SLC9A9: variants seen among roughly 807,000 people sequenced by gnomAD.
The protein encoded by SLC9A9 is sodium/hydrogen exchanger 9.
Under a neutral mutation model 77.8 loss-of-function variants are expected in SLC9A9, and 62 were observed. That is an observed-to-expected ratio of 0.80 (90% confidence interval 0.65 to 0.98). SLC9A9 has a LOEUF of 0.98. SLC9A9 is among the 50% of genes least tolerant of loss of function. The pLI, the probability that SLC9A9 is intolerant of heterozygous loss-of-function variation, is 0.00. For synonymous variants in SLC9A9, 320 were observed against 283.5 expected (o/e 1.13, Z -1.29); for missense variants, 775 against 774.9 (o/e 1.00, Z 0.00).
chr3:143,688,400 G>T (rs1024025565), intron 5 of SLC9A9, among the ~76,000 whole-genome samples: 6 of 152,118 alleles, frequency 3.9e-5, no homozygotes, highest in African/African-American at 1.4e-4. Context: ...AACAAACTCA[G>T]CCTTCAGTGT....
At chr3:143,782,418 C>T (rs2007910960) in intron 4 of SLC9A9, among the ~76,000 whole-genome samples, 1 of 152,188 alleles carries the variant, frequency 6.6e-6, no homozygotes. Flanking sequence ...CCTGGTGCCA[C>T]TGATGCTGTT....
At chr3:143,342,731 A>T (rs977074323) in intron 14 of SLC9A9, among the ~76,000 whole-genome samples, 1 of 152,252 alleles carries the variant, frequency 6.6e-6, no homozygotes, top group Non-Finnish European at 1.5e-5. Context: ...CAAAAGACTG[A>T]GAAAACTGAA....
Position 143,816,933 on chromosome 3 carries a change from G to T in SLC9A9, c.378+15086C>A, listed in dbSNP as rs2009033055. ...ATACACTCCTCATTTATTGGCCTTT[G>T]TGGTATCTCTTTAGTGAATTTTCTG... On this transcript the variant is annotated intron_variant, in intron 2 of 15. Coordinates refer to ENST00000316549, the MANE Select transcript of SLC9A9 (RefSeq NM_173653.4). Among the ~76,000 whole-genome samples the T allele has an allele frequency of 2.0e-5, 3 of 152,000 alleles. No homozygotes were observed. In the South Asian group the frequency reaches 6.2e-4, roughly 32 times the overall value.
intron 12 of SLC9A9, among the ~76,000 whole-genome samples, chr3:143,427,474 A>T (rs1285017543): frequency 4.6e-5 from 7 of 152,238 alleles, no homozygotes; most frequent in Admixed American, 3.3e-4. Flanking sequence ...CAAGTAATCT[A>T]CTTCTTACTT....
chr3:143,437,664 A>G (rs993135071), intron 12 of SLC9A9, among the ~76,000 whole-genome samples: 5 of 152,228 alleles, frequency 3.3e-5, no homozygotes, highest in Non-Finnish European at 7.3e-5. Flanking sequence ...GATGGGAGAC[A>G]TGTTATGATC....
intron 14 of SLC9A9, among the ~76,000 whole-genome samples, chr3:143,285,986 A>G (rs1424470819): frequency 6.6e-6 from 1 of 152,116 alleles, no homozygotes; most frequent in East Asian, 1.9e-4. Context: ...TTGAGGAAGT[A>G]TGGGATGTGG....
intron 2 of SLC9A9, among the ~76,000 whole-genome samples, chr3:143,809,017 C>T (rs1218984010): frequency 6.6e-6 from 1 of 152,116 alleles, no homozygotes; most frequent in Non-Finnish European, 1.5e-5. Context: ...TAAGTTTGTT[C>T]CCTTTCTAAG....
rs548650782 is a variant in SLC9A9 at position 143,649,949 on chromosome 3, G to C, written c.755+2306C>G. ...GACACACTTCAAGTACATAGAGTCT[G>C]CTTTCAAAAAGTTGCTATCTAGAAA... On this transcript the variant is annotated intron_variant, in intron 6 of 15. Transcript: ENST00000316549. Among the ~76,000 whole-genome samples, 22 of 151,590 alleles carry C rather than the reference G, an allele frequency of 1.5e-4. 1 individual carries two copies. In the South Asian group the frequency reaches 3.3e-3, roughly 23 times the overall value.
chr3:143,279,138 C>A (rs1293283853), intron 14 of SLC9A9, among the ~76,000 whole-genome samples: 1 of 143,452 alleles, frequency 7.0e-6, no homozygotes, highest in Non-Finnish European at 1.5e-5. Context: ...CTTCCACATG[C>A]CCTGCAGTGT....
chr3:143,348,487 G>T (rs1229639671), intron 14 of SLC9A9, among the ~76,000 whole-genome samples: 2 of 152,130 alleles, frequency 1.3e-5, no homozygotes, highest in African/African-American at 4.8e-5. Flanking sequence ...GAATTTGTAA[G>T]GATAAAAACC....
At chr3:143,282,131 T>A (rs1434732265) in intron 14 of SLC9A9, among the ~76,000 whole-genome samples, 1 of 152,134 alleles carries the variant, frequency 6.6e-6, no homozygotes, top group Admixed American at 6.6e-5. Context: ...CTCTTAGGAC[T>A]TGTCACTCTC....
intron 14 of SLC9A9, among the ~76,000 whole-genome samples, chr3:143,308,708 T>C (rs977262278): frequency 2.6e-5 from 4 of 152,092 alleles, no homozygotes; most frequent in Non-Finnish European, 5.9e-5. Context: ...GTGATAATAA[T>C]ACCCATAATT....
At chr3:143,518,984 T>C (rs546054389) in intron 9 of SLC9A9, among the ~76,000 whole-genome samples, 76 of 152,342 alleles carry the variant, frequency 5.0e-4, no homozygotes, top group African/African-American at 1.7e-3. Context: ...TCCACATCCT[T>C]GCCCAAACTT....
At chr3:143,335,618 T>C (rs1576432108) in intron 14 of SLC9A9, among the ~76,000 whole-genome samples, 1 of 152,144 alleles carries the variant, frequency 6.6e-6, no homozygotes, top group East Asian at 1.9e-4. Context: ...TAAGCTCTTG[T>C]ATGAGCAAAT....
At position 143,304,014 on chromosome 3, in the gene SLC9A9, T is replaced by C. The variant is rs73008226; in HGVS notation, c.1605-35034A>G. On this transcript the variant is annotated intron_variant, in intron 14 of 15. Transcript: ENST00000316549. ...CTGGCACAGATTTCCAGAAAACATA[T>C]ATATACTGAATGGGGGAAAGAGGAT... Among the ~76,000 whole-genome samples, 1,050 of 152,194 alleles carry C rather than the reference T, an allele frequency of 6.9e-3. 19 individuals carry two copies. Among genetic ancestry groups the C allele is most frequent in the African/African-American group, 0.024 (1,015 of 41,522 alleles).
At chr3:143,706,870 C>T in intron 4 of SLC9A9, among the ~76,000 whole-genome samples, 2 of 152,228 alleles carry the variant, frequency 1.3e-5, no homozygotes, top group African/African-American at 4.8e-5. Context: ...ATGTATGGCT[C>T]AAGATAATCC....
At chr3:143,499,185 C>T (rs2035888367) in intron 9 of SLC9A9, among the ~76,000 whole-genome samples, 1 of 152,182 alleles carries the variant, frequency 6.6e-6, no homozygotes, top group Non-Finnish European at 1.5e-5. Flanking sequence ...ATCAACTTTT[C>T]AATTTCCACA....
intron 9 of SLC9A9, among the ~76,000 whole-genome samples, chr3:143,530,643 C>G: frequency 7.1e-6 from 1 of 140,688 alleles, no homozygotes; most frequent in South Asian, 2.4e-4. Flanking sequence ...ATCTGAAAAA[C>G]AAAACAAAAC....
At chr3:143,575,916 T>C (rs958336981) in intron 7 of SLC9A9, among the ~76,000 whole-genome samples, 1 of 152,144 alleles carries the variant, frequency 6.6e-6, no homozygotes, top group Non-Finnish European at 1.5e-5. Flanking sequence ...CTGTAGAGCC[T>C]GTTGAAGACC....
Sources: allele counts gnomAD v4.1 joint callset (sites outside exome capture counted in the v4.1 genomes callset), GRCh38; gene constraint gnomAD v4.1.1; transcripts MANE v1.5; gene names NCBI Gene and HGNC (gene_info 2026-07-23, HGNC 2026-07-21).